Variants in COL6A3 observed in about 807,000 individuals in gnomAD.
COL6A3 encodes collagen type VI alpha 3 chain, also known as collagen alpha-3(VI) chain.
A neutral mutation model predicts 274.1 loss-of-function variants in COL6A3; 137 were observed. The observed-to-expected ratio is 0.50, with a 90% CI of 0.44 to 0.58. The LOEUF (loss-of-function observed/expected upper bound fraction) is 0.58. Among genes scored for constraint, COL6A3 ranks in the 20% least tolerant of loss-of-function variants. The pLI is 0.00. For synonymous variants in COL6A3, 1,650 were observed against 1,650.6 expected, an observed-to-expected ratio of 1.00 and a Z score of 0.01; for missense variants, 3,950 against 4,124.9, an observed-to-expected ratio of 0.96 and a Z score of 1.16.
intron 42 of COL6A3, chr2:237,328,643 A>T (rs1031449950): frequency 8.5e-5 from 13 of 152,240 alleles, no homozygotes; most frequent in Non-Finnish European, 1.6e-4. Context: ...ATCAGCAAAA[A>T]ATATATGTAT....
At chr2:237,335,014 G>T (rs932289461) in intron 40 of COL6A3, 125 bp from the exon 41 acceptor site, 4 of 1,096,338 alleles carry the variant, frequency 3.6e-6, no homozygotes, top group African/African-American at 1.5e-5. Context: ...TAGCTGAGGC[G>T]GGGAACTAAT....
rs2077334564 is a variant in COL6A3, at chr2:237,357,061, T to A, written c.6591+277A>T. On this transcript the variant is annotated intron_variant, in intron 23 of 43. Coordinates refer to ENST00000295550, the MANE Select transcript of COL6A3 (RefSeq NM_004369.4). ...TGGGTCTCTTAAATATTTAGTTGGA[T>A]CAAACCTGGCCCGATATTTGAAAGT... 3 of 543,918 alleles carry A rather than the reference T, an allele frequency of 5.5e-6. No homozygotes were observed. The South Asian group carries it at 6.7e-5, about 12-fold the overall frequency. 33.7% of individuals were successfully genotyped at this position (543,918 alleles called of 1,614,324 possible). A position where few individuals can be genotyped will look rare whatever the true frequency, so the allele number is the denominator to read the frequency against.
At chr2:237,355,754 G>C (rs765614209) in intron 23 of COL6A3, 1 of 152,192 alleles carries the variant, frequency 6.6e-6, no homozygotes, top group Non-Finnish European at 1.5e-5. Context: ...AGTGATCTGC[G>C]GTGACCAGTT....
At chr2:237,400,006 A>T (rs1216395236) in intron 1 of COL6A3, among the ~76,000 whole-genome samples, 4 of 152,188 alleles carry the variant, frequency 2.6e-5, no homozygotes, top group Non-Finnish European at 5.9e-5. Context: ...TAATATTGTC[A>T]TTTTTTCTTA....
intron 42 of COL6A3, among the ~76,000 whole-genome samples, chr2:237,330,989 C>T (rs947296755): frequency 6.6e-6 from 1 of 152,058 alleles, no homozygotes; most frequent in African/African-American, 2.4e-5. Flanking sequence ...CTTTTATTCA[C>T]AGAAGTAAAA....
At chr2:237,404,324 A>G (rs989578487) in intron 1 of COL6A3, among the ~76,000 whole-genome samples, 1 of 152,172 alleles carries the variant, frequency 6.6e-6, no homozygotes, top group African/African-American at 2.4e-5. Flanking sequence ...TGATTCTAAA[A>G]GGCAGTTGTG....
chr2:237,347,771 AT>A, intron 31 of COL6A3, 35 bp downstream of exon 31: 3 of 1,590,160 alleles, frequency 1.9e-6, no homozygotes, highest in Non-Finnish European at 2.6e-6. Context: ...ATACGTTCTC[AT>A]TCCTCACCTG....
intron 14 of COL6A3, among the ~76,000 whole-genome samples, 171 bp from the exon 15 acceptor site, chr2:237,362,002 G>A (rs1017469330): frequency 6.6e-6 from 1 of 152,290 alleles, no homozygotes; most frequent in East Asian, 1.9e-4. Flanking sequence ...AATTGCCAGC[G>A]AAGTCAGGAG....
Position 237,381,208 on chromosome 2 carries a change from T to A in COL6A3, c.1604A>T (p.Asn535Ile). 1 of 1,614,242 alleles carries A rather than the reference T, an allele frequency of 6.2e-7. No homozygotes were observed. Among genetic ancestry groups the A allele is most frequent in the African/African-American group, 1.3e-5 (1 of 75,058 alleles). Residue 535 changes from asparagine to isoleucine, a missense_variant, in exon 5 of 44, where the codon AAC (asparagine) becomes ATC (isoleucine). Physicochemically the swap from Asn to Ile is moderately radical, Grantham distance 149. Around this residue, in one of 5 missense-constraint regions of COL6A3, gnomAD observed 1,934 missense variants for 1,984.3 expected, o/e 0.97. Transcript: ENST00000295550. ...GTAGCCGGCTGAACTCGTGAATAGG[T>A]TGTTACGAACAAAGTCTAGAGCAGA... ...TGSALDFVRNNLFTSSAGYRA... is the reference protein window; with the variant it reads ...TGSALDFVRNILFTSSAGYRA...
In COL6A3 at chr2:237,394,666, T is replaced by C. The variant is rs914512334; in HGVS notation, c.630A>G (p.Val210=). 2.5e-6 allele frequency: 4 copies of C among 1,614,150 alleles called. No individual in the cohort carries two copies. In the Admixed American group the frequency reaches 5.0e-5, roughly 20 times the overall value. ...AATGCACACAGGACACTAAGTTTCCTACTATGTCATGAAGTGAGGTAAAAT... is the reference window on the plus strand; with the variant it reads ...AATGCACACAGGACACTAAGTTTCCCACTATGTCATGAAGTGAGGTAAAAT... The part of the protein sequence containing the change: ...LENFTSLHDI[V]GNLVSCVHSS... Residue 210 remains valine, a synonymous_variant, in exon 3 of 44, where the codon GTA becomes GTG. Coordinates refer to ENST00000295550, the MANE Select transcript of COL6A3 (RefSeq NM_004369.4).
At chr2:237,349,869 T>C (rs1390503375) in intron 28 of COL6A3, among the ~76,000 whole-genome samples, 2 of 152,158 alleles carry the variant, frequency 1.3e-5, no homozygotes, top group African/African-American at 4.8e-5. Flanking sequence ...AAGATGAAGG[T>C]AGTTTAAGCT....
At chr2:237,359,124 C>T in intron 19 of COL6A3, 36 bp from the exon 20 acceptor site, 1 of 1,613,822 alleles carries the variant, frequency 6.2e-7, no homozygotes, top group Non-Finnish European at 8.5e-7. Context: ...ACACCTGCTG[C>T]AATTTCTATC....
At position 237,361,938 on chromosome 2, in the gene COL6A3, G is replaced by A. The variant is rs1485128629; in HGVS notation, c.6064-107C>T. ...ATCGGATGTGTGGGGGTTTCACGGT[G>A]TGAGATGAAGTCCCTCCAGGTGACA... On this transcript the variant is annotated intron_variant, in intron 14 of 43. Transcript: ENST00000295550. The surrounding 1 kb of genome is among the most constrained non-coding windows in gnomAD (Gnocchi z 5.1). The A allele has an allele frequency of 3.2e-6, 3 of 940,320 alleles. No individual in the cohort carries two copies. The highest frequency in any genetic ancestry group is 2.5e-5 in the East Asian group (1 of 40,132). The allele number at this position is 940,320 out of a possible 1,614,324, so 58.2% of individuals were successfully genotyped here.
At chr2:237,404,718 A>C (rs1463439882) in intron 1 of COL6A3, among the ~76,000 whole-genome samples, 1 of 152,146 alleles carries the variant, frequency 6.6e-6, no homozygotes, top group Non-Finnish European at 1.5e-5. Context: ...AAAGCCTTTG[A>C]ATCCACTGAT....
At chr2:237,385,661 T>C (rs2078126502) in intron 4 of COL6A3, among the ~76,000 whole-genome samples, 2 of 152,304 alleles carry the variant, frequency 1.3e-5, no homozygotes, top group Non-Finnish European at 2.9e-5. Flanking sequence ...ACACCAATAG[T>C]ATGCAAGCTC....
chr2:237,348,133 A>G (rs1172933357), intron 30 of COL6A3, among the ~76,000 whole-genome samples: 1 of 152,190 alleles, frequency 6.6e-6, no homozygotes, highest in Non-Finnish European at 1.5e-5. Flanking sequence ...AGCATATTTT[A>G]TTTAAATCTC....
At position 237,344,334 on chromosome 2, in the gene COL6A3, C is replaced by A. The variant is rs746169209; in HGVS notation, c.7668+16G>T. ...AGAAGAAAGGGAGATGCCAACAGCA[C>A]GCACAGAGCACAGACCTGCAAAGCG... On this transcript the variant is annotated intron_variant, in intron 36 of 43. Coordinates refer to ENST00000295550, the MANE Select transcript of COL6A3 (RefSeq NM_004369.4). This position sits in a 1 kb window ranked among gnomAD's most constrained non-coding sequence, Gnocchi z 4.8. 1.2e-6 allele frequency: 2 copies of A among 1,614,118 alleles called. No homozygotes were observed. The highest frequency in any genetic ancestry group is 1.7e-6 in the Non-Finnish European group (2 of 1,180,014).
chr2:237,346,483 A>G lies in COL6A3; in HGVS notation c.7092+20T>C, dbSNP rs115681406. The G allele has an allele frequency of 3.5e-4, 559 of 1,613,084 alleles. No individual in the cohort carries two copies. Among genetic ancestry groups the G allele is most frequent in the Non-Finnish European group, 4.5e-4 (530 of 1,179,250 alleles). On this transcript the variant is annotated intron_variant, in intron 32 of 43. Transcript: ENST00000295550. ...GCACCCAGCCCCAGGTGGCCGGGTC[A>G]GAACTGGATAAATACTTACAGCTGG...
chr2:237,337,939 T>A (rs1700636158), intron 39 of COL6A3, among the ~76,000 whole-genome samples: 1 of 152,200 alleles, frequency 6.6e-6, no homozygotes, highest in Non-Finnish European at 1.5e-5. Context: ...TCATTACATG[T>A]TATCACAGCA....
Sources: allele counts gnomAD v4.1 joint callset (sites outside exome capture counted in the v4.1 genomes callset), GRCh38; gene constraint gnomAD v4.1.1; regional missense constraint gnomAD v4.1.1; non-coding constraint Gnocchi (gnomAD v3.1); transcripts MANE v1.5; gene names NCBI Gene and HGNC (gene_info 2026-07-23, HGNC 2026-07-21).